The following VCL variants were observed in gnomAD, a reference collection of about 807,000 sequenced individuals.
VCL encodes the protein epididymis luminal protein 114.
Under a neutral mutation model 125.7 loss-of-function variants are expected in VCL, and 47 were observed. The observed-to-expected ratio is 0.37, with a 90% CI of 0.30 to 0.48. The LOEUF (loss-of-function observed/expected upper bound fraction) is 0.48, where lower values mean the gene tolerates loss of function less well. VCL is among the 20% of genes least tolerant of loss of function. The probability of loss-of-function intolerance (pLI) is 0.99; values close to 1 mark genes in which losing one functional copy is unlikely to be tolerated. For synonymous variants in VCL, 458 were observed against 514.6 expected, an observed-to-expected ratio of 0.89 and a Z score of 1.49; for missense variants, 1,069 against 1,455.5, an observed-to-expected ratio of 0.73 and a Z score of 4.32.
rs538024153 is a variant in VCL at position 74,017,979 on chromosome 10, C to T, written c.168+19604C>T. Among the ~76,000 whole-genome samples, 11 of 150,500 alleles carry T rather than the reference C, an allele frequency of 7.3e-5. No homozygotes were observed. The East Asian group carries it at 2.0e-3, about 27-fold the overall frequency. The stretch of plus-strand genomic sequence containing the variant: ...TCCGAGACCAGCCTGGGCAACATGA[C>T]GAAACTCCTTCTCTACAAAAAGTAT... On this transcript the variant is annotated intron_variant, in intron 1 of 21. Coordinates refer to ENST00000211998, the MANE Select transcript of VCL (RefSeq NM_014000.3).
In VCL at chr10:74,090,193, A is replaced by C; in HGVS notation, c.1347A>C (p.Arg449=). ...TGACTTCTAAATTAGCAGATCTACG[A>C]AGACAGTATGTATTTAACCCTTACA... ...SALTSKLADL[R]RQGKGDSPEA... is the part of the protein sequence containing the mutation. Residue 449 remains arginine (R), a synonymous_variant, in exon 10 of 22, where the codon CGA becomes CGC. Coordinates refer to ENST00000211998, the MANE Select transcript of VCL (RefSeq NM_014000.3). 6.2e-7 allele frequency: 1 copy of C among 1,614,118 alleles called. No homozygotes were observed. Among genetic ancestry groups the C allele is most frequent in the Non-Finnish European group, 8.5e-7 (1 of 1,180,008 alleles).
At chr10:74,045,866 T>C (rs912806263) in intron 2 of VCL, among the ~76,000 whole-genome samples, 4 of 152,158 alleles carry the variant, frequency 2.6e-5, no homozygotes, top group African/African-American at 9.6e-5. Flanking sequence ...TTGTTTTATA[T>C]TTATGCATTA....
At chr10:74,082,603 TGAAA>T (rs1839695146) in intron 7 of VCL, 59 bp downstream of exon 7, 1 of 1,568,124 alleles carries the variant, frequency 6.4e-7, no homozygotes, top group Non-Finnish European at 8.8e-7. Flanking sequence ...ACCAAGCAAA[TGAAA>T]GAAAGAAATT....
intron 1 of VCL, 77 bp downstream of exon 1, chr10:73,998,452 T>G: frequency 7.8e-7 from 1 of 1,278,680 alleles, no homozygotes; most frequent in Non-Finnish European, 9.9e-7. Flanking sequence ...CGGCTGCCTG[T>G]GGCCGGCTCG....
chr10:74,046,524 T>A (rs929253164), intron 2 of VCL, among the ~76,000 whole-genome samples: 1 of 152,232 alleles, frequency 6.6e-6, no homozygotes, highest in South Asian at 2.1e-4. Flanking sequence ...AGTACCGGCA[T>A]GAGCCACTGT....
intron 1 of VCL, among the ~76,000 whole-genome samples, chr10:74,035,157 TTC>T (rs1470610782): frequency 6.6e-6 from 1 of 152,216 alleles, no homozygotes; most frequent in African/African-American, 2.4e-5. Flanking sequence ...TGTTTTGTCT[TTC>T]TGTTTTCTTG....
At chr10:74,004,791 G>A (rs988471088) in intron 1 of VCL, among the ~76,000 whole-genome samples, 5 of 151,134 alleles carry the variant, frequency 3.3e-5, no homozygotes, top group East Asian at 1.9e-4. Flanking sequence ...CGCAACCTCC[G>A]CCTCCTGGGT....
chr10:74,018,190 AT>A (rs1840593050), intron 1 of VCL, among the ~76,000 whole-genome samples: 2 of 139,198 alleles, frequency 1.4e-5, no homozygotes, highest in Admixed American at 7.4e-5. Flanking sequence ...ATATATATAT[AT>A]ATATATATAT....
chr10:74,053,439 G>A (rs1841341150), intron 2 of VCL, among the ~76,000 whole-genome samples: 1 of 151,476 alleles, frequency 6.6e-6, no homozygotes, highest in Non-Finnish European at 1.5e-5. Context: ...GCTTATTTCT[G>A]CCTTTTGTCT....
intron 1 of VCL, among the ~76,000 whole-genome samples, chr10:74,025,228 G>T (rs1428779403): frequency 6.6e-6 from 1 of 151,970 alleles, no homozygotes; most frequent in Non-Finnish European, 1.5e-5. Context: ...ATGTTGGCCT[G>T]GCTGGTTCAA....
chr10:74,016,830 A>G (rs1374846297), intron 1 of VCL: 1 of 152,230 alleles, frequency 6.6e-6, no homozygotes, highest in Non-Finnish European at 1.5e-5. Context: ...CATTCCTCCT[A>G]GCCCAGCAAC....
At chr10:74,014,726 ACT>A (rs1840505270) in intron 1 of VCL, among the ~76,000 whole-genome samples, 1 of 152,050 alleles carries the variant, frequency 6.6e-6, no homozygotes. Context: ...ACAGGGTCTC[ACT>A]CTGTTGTTCA....
chr10:74,045,463 C>T (rs1159363236), intron 2 of VCL, among the ~76,000 whole-genome samples: 1 of 151,382 alleles, frequency 6.6e-6, no homozygotes, highest in Non-Finnish European at 1.5e-5. Context: ...TCTGTACTAA[C>T]AATATAAAAA....
At chr10:74,008,082 G>A (rs1219566037) in intron 1 of VCL, among the ~76,000 whole-genome samples, 1 of 152,276 alleles carries the variant, frequency 6.6e-6, no homozygotes, top group South Asian at 2.1e-4. Context: ...GGGATTATAG[G>A]CATGAGCCAC....
rs1840378978 is a variant in VCL, at chr10:74,119,832, T to C, written c.*1663T>C. On this transcript the variant is annotated 3_prime_UTR_variant, in exon 22 of 22. Coordinates refer to ENST00000211998, the MANE Select transcript of VCL (RefSeq NM_014000.3). ...GATATAAATGCAATATTAATGCCTT[T>C]AAAGTATGAATCTATGCCAAAGATC... 1 of 152,632 alleles carries C rather than the reference T, an allele frequency of 6.6e-6. No homozygotes were observed. The highest frequency in any genetic ancestry group is 1.5e-5 in the Non-Finnish European group (1 of 68,038). The allele number at this position is 152,632 out of a possible 1,614,324, so 9.5% of individuals were successfully genotyped here. A position where few individuals can be genotyped will look rare whatever the true frequency, so the allele number is the denominator to read the frequency against.
chr10:74,047,898 G>C (rs775647418), intron 2 of VCL, among the ~76,000 whole-genome samples: 1 of 152,158 alleles, frequency 6.6e-6, no homozygotes, highest in African/African-American at 2.4e-5. Context: ...CTGTAAAAGT[G>C]AGAGCCATTT....
At chr10:74,016,902 G>A (rs368837242) in intron 1 of VCL, 1 of 151,998 alleles carries the variant, frequency 6.6e-6, no homozygotes, top group Non-Finnish European at 1.5e-5. Context: ...TACAGTGTTT[G>A]TATATACTGT....
At chr10:74,048,392 C>A (rs980866913) in intron 2 of VCL, among the ~76,000 whole-genome samples, 1 of 150,274 alleles carries the variant, frequency 6.7e-6, no homozygotes, top group Admixed American at 6.7e-5. Flanking sequence ...CACTTGAACC[C>A]AGGTGGTGGA....
At chr10:74,046,670 T>TA (rs1342771492) in intron 2 of VCL, among the ~76,000 whole-genome samples, 1 of 152,238 alleles carries the variant, frequency 6.6e-6, no homozygotes, top group African/African-American at 2.4e-5. Flanking sequence ...CCTTGGAAGA[T>TA]ACAGAGCACG....
Sources: gnomAD v4.1 joint callset for allele counts (sites outside exome capture counted in the v4.1 genomes callset) on GRCh38, gnomAD v4.1.1 for gene constraint, MANE v1.5 for transcripts, NCBI Gene and HGNC (gene_info 2026-07-23, HGNC 2026-07-21) for gene names.